SNX24: variants seen among roughly 807,000 people sequenced by gnomAD.
SNX24 encodes the protein sorting nexin-24.
In SNX24, 22 loss-of-function variants were observed where a neutral mutation model predicts 28.7. That is an observed-to-expected ratio of 0.77 (90% CI 0.55 to 1.10). The LOEUF (loss-of-function observed/expected upper bound fraction) is 1.10. SNX24 is among the 50% of genes least tolerant of loss of function. SNX24 has a pLI of 0.00. For missense variants in SNX24, 221 were observed against 201.1 expected (o/e 1.10, Z -0.60); for synonymous variants, 69 against 71.5 (o/e 0.96, Z 0.18).
intron 3 of SNX24, among the ~76,000 whole-genome samples, chr5:122,947,698 A>C (rs1015475001): frequency 2.4e-4 from 36 of 152,162 alleles, no homozygotes; most frequent in Non-Finnish European, 1.2e-4. Flanking sequence ...AAACCCCTCC[A>C]AAAAATTAGA....
In SNX24 at chr5:123,008,113, T is replaced by C. The variant is rs1174449082; in HGVS notation, c.*364T>C. On this transcript the variant is annotated 3_prime_UTR_variant, in exon 7 of 7. Transcript: ENST00000261369. ...TAATTGAAAATCATATCCTGAATCA[T>C]ACTGAGACTGATCAACTTTGGTAGC... The C allele has an allele frequency of 5.0e-6, 5 of 1,007,668 alleles. No individual in the cohort carries two copies. The Admixed American group carries it at 1.7e-4, about 34-fold the overall frequency. 62.4% of individuals were successfully genotyped at this position (1,007,668 alleles called of 1,614,324 possible). A position where few individuals can be genotyped will look rare whatever the true frequency, so the allele number is the denominator to read the frequency against.
chr5:122,948,781 G>A (rs1049989213), intron 3 of SNX24: 18 of 152,138 alleles, frequency 1.2e-4, no homozygotes, highest in Non-Finnish European at 8.8e-5. Context: ...AGTTGGGAAT[G>A]GAATTTTAGT....
Position 122,889,677 on chromosome 5 carries a change from G to GTA in SNX24, c.60+43992_60+43993dup, listed in dbSNP as rs772602796. Among the ~76,000 whole-genome samples, 106 of 141,574 alleles carry GTA rather than the reference G, an allele frequency of 7.5e-4. 3 individuals are homozygous for GTA. The East Asian group carries it at 0.016, about 21-fold the overall frequency. 92.9% of individuals were successfully genotyped at this position (141,574 alleles called of 152,430 possible). On this transcript the variant is annotated intron_variant, in intron 1 of 6. Transcript: ENST00000261369. ...TATATATATGTGTATATATATATGT[G>GTA]TATATATATGTATATGTATGTGTAT...
downstream of SNX24, among the ~76,000 whole-genome samples, chr5:123,011,664 A>G (rs928611019): frequency 6.6e-6 from 1 of 152,250 alleles, no homozygotes; most frequent in Non-Finnish European, 1.5e-5. Context: ...ATCAAAGCAG[A>G]AAATAACAAG....
Position 122,908,571 on chromosome 5 carries a change from A to G in SNX24, c.61-28163A>G, listed in dbSNP as rs192717918. Among the ~76,000 whole-genome samples the G allele has an allele frequency of 1.2e-4, 18 of 152,356 alleles. No homozygotes were observed. The East Asian group carries it at 3.5e-3, about 29-fold the overall frequency. ...CTATATAGACTGTATAAAATATAAAAAATAATTAGTTGCTGTTAGTTTTTG... is the reference window on the plus strand; with the variant it reads ...CTATATAGACTGTATAAAATATAAAGAATAATTAGTTGCTGTTAGTTTTTG... On this transcript the variant is annotated intron_variant, in intron 1 of 6. Transcript: ENST00000261369.
At chr5:122,892,158 T>TTA (rs1667112852) in intron 1 of SNX24, among the ~76,000 whole-genome samples, 2 of 152,130 alleles carry the variant, frequency 1.3e-5, no homozygotes, top group Non-Finnish European at 2.9e-5. Context: ...GCTGTTTGTT[T>TTA]TATATTCTTT....
rs1226031513 is a variant in SNX24 at position 123,008,110 on chromosome 5, T to G, written c.*361T>G. 9.6e-7 allele frequency: 1 copy of G among 1,038,828 alleles called. No individual in the cohort carries two copies. The allele number at this position is 1,038,828 out of a possible 1,614,324, so 64.4% of individuals were successfully genotyped here. On this transcript the variant is annotated 3_prime_UTR_variant, in exon 7 of 7. Transcript: ENST00000261369. ...TGCTAATTGAAAATCATATCCTGAA[T>G]CATACTGAGACTGATCAACTTTGGT...
chr5:122,908,474 G>T (rs1299287916), intron 1 of SNX24, among the ~76,000 whole-genome samples: 2 of 152,164 alleles, frequency 1.3e-5, no homozygotes, highest in Non-Finnish European at 2.9e-5. Flanking sequence ...ATCCTGTTAT[G>T]TGTAAAATAC....
At chr5:122,898,235 G>C (rs1248869583) in intron 1 of SNX24, among the ~76,000 whole-genome samples, 2 of 152,188 alleles carry the variant, frequency 1.3e-5, no homozygotes, top group Admixed American at 6.5e-5. Context: ...CACTCCTACA[G>C]AGTCAGTCTT....
chr5:122,903,012 C>A (rs1757504771), intron 1 of SNX24, among the ~76,000 whole-genome samples: 1 of 152,176 alleles, frequency 6.6e-6, no homozygotes. Context: ...ACCCTGTATA[C>A]AGAGAACTCA....
chr5:122,953,074 C>CTTTCTTCCTTTG (rs1417106436), intron 3 of SNX24, among the ~76,000 whole-genome samples: 4 of 151,722 alleles, frequency 2.6e-5, no homozygotes, highest in African/African-American at 9.7e-5. Context: ...TTCTTCCTTT[C>CTTTCTTCCTTTG]TTCCTTTTTT....
At chr5:123,002,202 TTCTC>T in intron 6 of SNX24, 198 bp downstream of exon 6, 1 of 597,414 alleles carries the variant, frequency 1.7e-6, no homozygotes. Flanking sequence ...TAATTTTTCT[TTCTC>T]TCTTACCAGA....
chr5:122,977,673 ATGCTGT>A lies in SNX24; in HGVS notation c.250-22231_250-22226del, dbSNP rs568274920. ...TCAAAGCTACTGCACTTCTATAGTCATGCTGTTGCTGTTAATTTCATCACAATTATT... is the reference window on the plus strand; with the variant it reads ...TCAAAGCTACTGCACTTCTATAGTCATGCTGTTAATTTCATCACAATTATT... On this transcript the variant is annotated intron_variant, in intron 3 of 6. Coordinates refer to ENST00000261369, the MANE Select transcript of SNX24 (RefSeq NM_014035.4). Among the ~76,000 whole-genome samples, 324 of 152,320 alleles carry A rather than the reference ATGCTGT, an allele frequency of 2.1e-3. 1 individual carries two copies. The highest frequency in any genetic ancestry group is 7.3e-3 in the African/African-American group (303 of 41,572).
At chr5:122,957,450 G>A (rs574316119) in intron 3 of SNX24, among the ~76,000 whole-genome samples, 59 of 152,280 alleles carry the variant, frequency 3.9e-4, no homozygotes, top group South Asian at 2.5e-3. Flanking sequence ...CAGGAAGTGC[G>A]AGTCTTCCAG....
At chr5:122,923,717 A>C (rs982790606) in intron 1 of SNX24, among the ~76,000 whole-genome samples, 3 of 152,172 alleles carry the variant, frequency 2.0e-5, no homozygotes, top group African/African-American at 7.2e-5. Flanking sequence ...AAGGACCATA[A>C]TTTCAGCCTT....
chr5:122,909,280 A>T, intron 1 of SNX24, among the ~76,000 whole-genome samples: 1 of 152,190 alleles, frequency 6.6e-6, no homozygotes, highest in East Asian at 1.9e-4. Context: ...ATTCAGGGAC[A>T]CTTAGACATA....
At chr5:122,952,625 A>T (rs1760000080) in intron 3 of SNX24, among the ~76,000 whole-genome samples, 2 of 152,242 alleles carry the variant, frequency 1.3e-5, no homozygotes, top group Admixed American at 1.3e-4. Context: ...AAGTAGCATG[A>T]ACAAAAAGAC....
At chr5:122,851,930 T>C (rs1754937402) in intron 1 of SNX24, among the ~76,000 whole-genome samples, 1 of 151,940 alleles carries the variant, frequency 6.6e-6, no homozygotes, top group South Asian at 2.1e-4. Flanking sequence ...AAAATGTAAA[T>C]ATTACCGCAA....
At chr5:122,863,540 T>G (rs1755580122) in intron 1 of SNX24, among the ~76,000 whole-genome samples, 1 of 151,268 alleles carries the variant, frequency 6.6e-6, no homozygotes, top group Admixed American at 6.6e-5. Context: ...TTTTTTTTTT[T>G]GAGGTGGGAG....
Sources: gnomAD v4.1 joint callset for allele counts (sites outside exome capture counted in the v4.1 genomes callset) on GRCh38, gnomAD v4.1.1 for gene constraint, MANE v1.5 for transcripts, NCBI Gene and HGNC (gene_info 2026-07-23, HGNC 2026-07-21) for gene names.